Variants in ELAVL4 observed in about 807,000 individuals in gnomAD.
ELAVL4 encodes ELAV-like protein 4.
A neutral mutation model predicts 35.6 loss-of-function variants in ELAVL4; 1 was observed. The observed-to-expected ratio is 0.03, with a 90% CI of 0.01 to 0.13. ELAVL4 has a LOEUF of 0.13. Among genes scored for constraint, ELAVL4 ranks in the 10% least tolerant of loss-of-function variants. The pLI, the probability that ELAVL4 is intolerant of heterozygous loss-of-function variation, is 1.00. For missense variants in ELAVL4, 267 were observed against 464.9 expected (o/e 0.57, Z 3.91); for synonymous variants, 156 against 171.0 (o/e 0.91, Z 0.69).
intron 1 of ELAVL4, among the ~76,000 whole-genome samples, chr1:50,127,974 G>A (rs910815088): frequency 1.1e-4 from 16 of 152,134 alleles, no homozygotes; most frequent in Admixed American, 8.5e-4. Flanking sequence ...AGTTGTTGCA[G>A]GAAAATGTCA....
intron 2 of ELAVL4, among the ~76,000 whole-genome samples, chr1:50,165,549 A>C (rs1001209691): frequency 1.3e-5 from 2 of 149,154 alleles, no homozygotes; most frequent in East Asian, 2.0e-4. Flanking sequence ...ATGTATATAT[A>C]GTATATATGC....
chr1:50,074,584 T>A (rs992342198), intron 1 of ELAVL4, among the ~76,000 whole-genome samples: 1 of 152,300 alleles, frequency 6.6e-6, no homozygotes, highest in Non-Finnish European at 1.5e-5. Context: ...CCTTGAGGAA[T>A]TCACAGAAAA....
intron 1 of ELAVL4, among the ~76,000 whole-genome samples, chr1:50,124,062 A>T (rs2148605644): frequency 6.6e-6 from 1 of 152,214 alleles, no homozygotes; most frequent in Middle Eastern, 3.4e-3. Context: ...GGTGTTTCAT[A>T]ATGTGTTCCC....
At chr1:50,198,368 GCA>G (rs1280131708) in intron 6 of ELAVL4, among the ~76,000 whole-genome samples, 8 of 152,122 alleles carry the variant, frequency 5.3e-5, no homozygotes, top group Non-Finnish European at 1.0e-4. Flanking sequence ...CAGTAGAGCT[GCA>G]CACTTTAATT....
intron 2 of ELAVL4, among the ~76,000 whole-genome samples, chr1:50,173,601 T>G (rs1178232268): frequency 1.3e-5 from 2 of 152,246 alleles, no homozygotes; most frequent in African/African-American, 4.8e-5. Flanking sequence ...ATGCTCACTA[T>G]AGTTTCTAAA....
At chr1:50,197,497 T>A in intron 6 of ELAVL4, 30 bp downstream of exon 6, 1 of 1,555,778 alleles carries the variant, frequency 6.4e-7, no homozygotes, top group Non-Finnish European at 8.7e-7. Flanking sequence ...TTGCCAGATG[T>A]CCATGTTGGC....
intron 3 of ELAVL4, among the ~76,000 whole-genome samples, chr1:50,192,807 AAAAT>A (rs990509623): frequency 3.9e-5 from 6 of 152,188 alleles, no homozygotes; most frequent in East Asian, 1.9e-4. Context: ...GTTTTCTTAA[AAAAT>A]AAATAAATAA....
intron 1 of ELAVL4, among the ~76,000 whole-genome samples, chr1:50,136,294 A>G (rs1157025705): frequency 1.3e-5 from 2 of 152,176 alleles, no homozygotes; most frequent in Non-Finnish European, 2.9e-5. Flanking sequence ...CAGGCTTGGA[A>G]AGGTGGGTGA....
Position 50,055,274 on chromosome 1 carries a change from GTTTTT to G in ELAVL4, c.18+7098_18+7102del, listed in dbSNP as rs376454885. Among the ~76,000 whole-genome samples the G allele has an allele frequency of 3.4e-4, 50 of 145,708 alleles. 1 individual carries two copies. The South Asian group carries it at 1.0e-2, about 29-fold the overall frequency. ...CTTCAAAGCATGATCAATTTGTTTT[GTTTTT>G]TTTTTGTTTTGTTTTTGTTTTTGTT... On this transcript the variant is annotated intron_variant, in intron 1 of 6. Transcript: ENST00000448907.
At chr1:50,075,815 A>G (rs897490023) in intron 1 of ELAVL4, among the ~76,000 whole-genome samples, 2 of 151,606 alleles carry the variant, frequency 1.3e-5, no homozygotes. Context: ...ATATAGATAT[A>G]GATAGAGAGA....
intron 5 of ELAVL4, among the ~76,000 whole-genome samples, 182 bp downstream of exon 5, chr1:50,195,968 T>C (rs1644033461): frequency 6.6e-6 from 1 of 152,206 alleles, no homozygotes; most frequent in Non-Finnish European, 1.5e-5. Flanking sequence ...TTGGAGCAGA[T>C]GCCCTTCTAA....
intron 3 of ELAVL4, chr1:50,180,283 G>A (rs533600838): frequency 1.3e-5 from 2 of 152,196 alleles, no homozygotes; most frequent in South Asian, 2.1e-4. Flanking sequence ...GAAACTTTTT[G>A]AGCACCTACA....
chr1:50,107,814 C>G (rs868057946), upstream of ELAVL4, among the ~76,000 whole-genome samples: 1 of 152,106 alleles, frequency 6.6e-6, no homozygotes, highest in African/African-American at 2.4e-5. Context: ...AAAACCCAAA[C>G]CAGAACAAAA....
chr1:50,054,337 A>T (rs1663548795), intron 1 of ELAVL4, among the ~76,000 whole-genome samples: 7 of 152,202 alleles, frequency 4.6e-5, no homozygotes. Context: ...AACCTGGTAG[A>T]TGCTGATGTG....
intron 1 of ELAVL4, chr1:50,109,941 A>G (rs777897757): frequency 6.2e-7 from 1 of 1,612,284 alleles, no homozygotes; most frequent in Non-Finnish European, 8.5e-7. Flanking sequence ...CTGATCACAG[A>G]TGGAGTGGAA....
chr1:50,150,546 C>T (rs544129538), intron 2 of ELAVL4, among the ~76,000 whole-genome samples: 13 of 152,140 alleles, frequency 8.5e-5, no homozygotes, highest in Admixed American at 4.6e-4. Flanking sequence ...TGGACCACAG[C>T]GGTGGCCACA....
At chr1:50,197,588 A>G (rs1644135794) in intron 6 of ELAVL4, 121 bp downstream of exon 6, 1 of 862,308 alleles carries the variant, frequency 1.2e-6, no homozygotes, top group Non-Finnish European at 1.7e-6. Context: ...TTCTTCCACC[A>G]GCATGTCAAA....
At chr1:50,066,535 T>C (rs1664273362) in intron 1 of ELAVL4, among the ~76,000 whole-genome samples, 1 of 152,176 alleles carries the variant, frequency 6.6e-6, no homozygotes, top group African/African-American at 2.4e-5. Flanking sequence ...CTCTTCATAC[T>C]TGTCACATGG....
chr1:50,169,421 G>A (rs569951705), intron 2 of ELAVL4, among the ~76,000 whole-genome samples: 6 of 151,996 alleles, frequency 3.9e-5, no homozygotes, highest in East Asian at 1.9e-4. Flanking sequence ...TTTAAAAATC[G>A]CAACTCCACC....
Sources: allele counts gnomAD v4.1 joint callset (sites outside exome capture counted in the v4.1 genomes callset), GRCh38; gene constraint gnomAD v4.1.1; transcripts MANE v1.5; gene names NCBI Gene and HGNC (gene_info 2026-07-23, HGNC 2026-07-21).